The following POLA1 variants were observed in gnomAD, a reference collection of about 807,000 sequenced individuals.
POLA1 encodes DNA polymerase alpha catalytic subunit.
POLA1 carries 15 observed loss-of-function variants against 124.0 expected under a neutral mutation model. The observed-to-expected ratio is 0.12, with a 90% CI of 0.08 to 0.19. The LOEUF (loss-of-function observed/expected upper bound fraction) is 0.19, where lower values mean the gene tolerates loss of function less well. Among genes scored for constraint, POLA1 ranks in the 10% least tolerant of loss-of-function variants. The pLI is 1.00. For missense variants in POLA1, 886 were observed against 1,103.4 expected (o/e 0.80, Z 2.79); for synonymous variants, 408 against 389.4 (o/e 1.05, Z -0.56).
chrX:24,916,322 C>T (rs1356317590), intron 35 of POLA1, among the ~76,000 whole-genome samples: 1 of 102,352 alleles, frequency 9.8e-6, no homozygotes, highest in Non-Finnish European at 1.9e-5. Flanking sequence ...CGCTGTGTCG[C>T]TCAGGCTAGA....
chrX:24,704,322 G>T, intron 3 of POLA1, 67 bp from the exon 4 acceptor site: 1 of 814,094 alleles, frequency 1.2e-6, no homozygotes, highest in Admixed American at 2.3e-5. Flanking sequence ...GGTTTTTTTG[G>T]TCATGGCTAA....
In POLA1 at chrX:24,819,988, A is replaced by T. The variant is rs187522026; in HGVS notation, c.3430-1464A>T. Among the ~76,000 whole-genome samples the T allele has an allele frequency of 1.4e-4, 16 of 110,503 alleles. 1 individual carries two copies. Among genetic ancestry groups the T allele is most frequent in the Non-Finnish European group, 1.9e-5 (1 of 52,798 alleles). On this transcript the variant is annotated intron_variant, in intron 30 of 36. Transcript: ENST00000379068. ...ATGTCCCTGCAAAGAACATGAACTC[A>T]CTCTTTTTTATGGCTGCATAGTATT...
At chrX:24,705,710 C>T (rs936599929) in intron 4 of POLA1, among the ~76,000 whole-genome samples, 1 of 110,066 alleles carries the variant, frequency 9.1e-6, no homozygotes, top group Non-Finnish European at 1.9e-5. Context: ...CTCCCCTGCC[C>T]CTGGCCTCTT....
intron 34 of POLA1, among the ~76,000 whole-genome samples, chrX:24,859,415 CTT>C (rs1169514490): frequency 9.0e-6 from 1 of 111,646 alleles, no homozygotes; most frequent in African/African-American, 3.3e-5. Flanking sequence ...TATCTCCACA[CTT>C]TCACTCCTGC....
chrX:24,906,649 C>T (rs1601856387), intron 35 of POLA1, among the ~76,000 whole-genome samples: 1 of 110,697 alleles, frequency 9.0e-6, no homozygotes, highest in Non-Finnish European at 1.9e-5. Context: ...AACCAAAAAC[C>T]ACCTGTACCC....
chrX:24,912,395 G>C (rs771612595), intron 35 of POLA1, among the ~76,000 whole-genome samples: 13 of 111,810 alleles, frequency 1.2e-4, no homozygotes, highest in African/African-American at 3.9e-4. Context: ...AAAAACCTTT[G>C]ATCTGCAAAA....
At chrX:24,817,607 CAAAAAAAA>C (rs1171262514) in intron 30 of POLA1, among the ~76,000 whole-genome samples, 1 of 33,481 alleles carries the variant, frequency 3.0e-5, no homozygotes, top group African/African-American at 9.2e-5. Flanking sequence ...GATTCCATCT[CAAAAAAAA>C]AAAAAAAAAA....
intron 32 of POLA1, among the ~76,000 whole-genome samples, chrX:24,833,132 C>T (rs756530942): frequency 2.7e-5 from 3 of 111,044 alleles, no homozygotes; most frequent in Non-Finnish European, 5.7e-5. Context: ...TAGCTTAGCT[C>T]CCACTTATGA....
chrX:24,740,057 G>A (rs1015248107), intron 20 of POLA1, among the ~76,000 whole-genome samples: 29 of 110,679 alleles, frequency 2.6e-4, no homozygotes, highest in African/African-American at 8.6e-4. Flanking sequence ...GTATCTTCAG[G>A]TTAGACCTCC....
chrX:24,948,261 T>C (rs1004431538), intron 36 of POLA1, among the ~76,000 whole-genome samples: 1 of 111,831 alleles, frequency 8.9e-6, no homozygotes, highest in Admixed American at 9.5e-5. Flanking sequence ...TTAGCACATC[T>C]TTGTTTTAAC....
In POLA1 at chrX:24,996,852, G is replaced by A. The variant is rs750492288; in HGVS notation, c.*902G>A. 9.0e-6 allele frequency: 1 copy of A among 111,348 alleles called. No individual in the cohort carries two copies. Among genetic ancestry groups the A allele is most frequent in the African/African-American group, 3.3e-5 (1 of 30,557 alleles). The allele number at this position is 111,348 out of a possible 1,213,427, so 9.2% of individuals were successfully genotyped here. On this transcript the variant is annotated 3_prime_UTR_variant, in exon 37 of 37. Transcript: ENST00000379068. ...GCAGTCTTTCCTCTCTTACATTATTGGTAAGATTATACTAACAAAATGTTT... is the reference window on the plus strand; with the variant it reads ...GCAGTCTTTCCTCTCTTACATTATTAGTAAGATTATACTAACAAAATGTTT...
At chrX:24,810,854 C>A in intron 28 of POLA1, 54 bp downstream of exon 28, 2 of 594,491 alleles carry the variant, frequency 3.4e-6, no homozygotes, top group Non-Finnish European at 5.7e-6. Flanking sequence ...AATTCTGTTT[C>A]TAACATGGAA....
chrX:24,817,714 ATTC>A (rs1250842018), intron 30 of POLA1, among the ~76,000 whole-genome samples: 1 of 111,036 alleles, frequency 9.0e-6, no homozygotes, highest in Non-Finnish European at 1.9e-5. Flanking sequence ...AGTACAGTAA[ATTC>A]TGATGAAAGG....
At chrX:24,916,287 C>CTTTTTTTTT (rs1301083848) in intron 35 of POLA1, among the ~76,000 whole-genome samples, 1 of 95,161 alleles carries the variant, frequency 1.1e-5, no homozygotes, top group African/African-American at 4.0e-5. Context: ...TTTCTTTTTT[C>CTTTTTTTTT]TTTTTTTTTT....
rs765168023 is a variant in POLA1 at position 24,980,035 on chromosome X, A to G, written c.4262-15770A>G. 6.3e-5 allele frequency among the ~76,000 whole-genome samples: 7 copies of G among 111,414 alleles called. No homozygotes were observed. In the South Asian group the frequency reaches 2.7e-3, roughly 43 times the overall value. ...TTTTTCCTTTTCTTCCCTTTATAAG[A>G]TGGTAATTTCCCCTTAGGGATTTGG... On this transcript the variant is annotated intron_variant, in intron 36 of 36. Transcript: ENST00000379068.
intron 4 of POLA1, among the ~76,000 whole-genome samples, chrX:24,710,807 C>T (rs1003286575): frequency 9.2e-6 from 1 of 108,157 alleles, no homozygotes; most frequent in African/African-American, 3.4e-5. Context: ...GCTGGGATTA[C>T]AGGCACGCGC....
intron 2 of POLA1, among the ~76,000 whole-genome samples, chrX:24,701,197 G>T (rs1283444666): frequency 9.0e-6 from 1 of 110,911 alleles, no homozygotes; most frequent in Admixed American, 9.7e-5. Context: ...AAGGCAGGTT[G>T]TTTCTGTTAC....
chrX:24,932,968 A>G (rs756652838), intron 36 of POLA1, among the ~76,000 whole-genome samples: 1 of 111,921 alleles, frequency 8.9e-6, no homozygotes, highest in Admixed American at 9.5e-5. Flanking sequence ...TTCCTAACAC[A>G]TGACATCTGA....
At chrX:24,703,419 C>T in intron 3 of POLA1, 72 bp downstream of exon 3, 1 of 729,691 alleles carries the variant, frequency 1.4e-6, no homozygotes, top group Non-Finnish European at 2.1e-6. Context: ...TGTAGATTCT[C>T]ACTCATGTGG....
Sources: allele counts gnomAD v4.1 joint callset (sites outside exome capture counted in the v4.1 genomes callset), GRCh38; gene constraint gnomAD v4.1.1; transcripts MANE v1.5; gene names NCBI Gene and HGNC (gene_info 2026-07-23, HGNC 2026-07-21).